The following LRRC4C variants were observed in gnomAD, a reference collection of about 807,000 sequenced individuals.
The protein encoded by LRRC4C is leucine rich repeat containing 4C.
In LRRC4C, 5 loss-of-function variants were observed where a neutral mutation model predicts 33.6. The ratio of observed to expected loss-of-function variants is 0.15; its 90% CI spans 0.08 to 0.31. The LOEUF (loss-of-function observed/expected upper bound fraction) is 0.31, where lower values mean the gene tolerates loss of function less well. Ranked by LOEUF, LRRC4C falls within the 10% of genes least tolerant of loss-of-function variation. The pLI, the probability that LRRC4C is intolerant of heterozygous loss-of-function variation, is 1.00. For synonymous variants in LRRC4C, 329 were observed against 302.0 expected (o/e 1.09, Z -0.93); for missense variants, 560 against 796.7 (o/e 0.70, Z 3.58).
intron 3 of LRRC4C, among the ~76,000 whole-genome samples, chr11:40,408,860 T>G (rs1950055580): frequency 6.6e-6 from 1 of 151,816 alleles, no homozygotes; most frequent in Non-Finnish European, 1.5e-5. Context: ...TTTGATGCAA[T>G]CCCCATAAAA....
At chr11:40,687,329 T>C (rs1274765986) in intron 2 of LRRC4C, among the ~76,000 whole-genome samples, 6 of 152,008 alleles carry the variant, frequency 3.9e-5, no homozygotes, top group African/African-American at 1.2e-4. Context: ...AAAATATCAA[T>C]TACCACATTT....
intron 1 of LRRC4C, among the ~76,000 whole-genome samples, chr11:41,217,692 T>C (rs1947119935): frequency 1.3e-5 from 2 of 152,220 alleles, no homozygotes; most frequent in South Asian, 2.1e-4. Context: ...TTAAATTAAT[T>C]GTGTTGGGAG....
At chr11:41,214,528 G>A (rs951877039) in intron 1 of LRRC4C, among the ~76,000 whole-genome samples, 2 of 138,740 alleles carry the variant, frequency 1.4e-5, no homozygotes, top group Non-Finnish European at 3.0e-5. Context: ...TCAGGAGATC[G>A]AGACTAACCT....
At chr11:40,354,942 T>C (rs1003162505) in intron 3 of LRRC4C, among the ~76,000 whole-genome samples, 1 of 152,050 alleles carries the variant, frequency 6.6e-6, no homozygotes, top group South Asian at 2.1e-4. Context: ...AGGAATGTGC[T>C]GGGTCACACC....
chr11:40,491,016 G>C (rs1954122190), intron 3 of LRRC4C, among the ~76,000 whole-genome samples: 1 of 152,040 alleles, frequency 6.6e-6, no homozygotes, highest in African/African-American at 2.4e-5. Context: ...GGGCACATTG[G>C]CTCACACCTG....
chr11:40,935,441 T>C (rs1957828044), intron 1 of LRRC4C, among the ~76,000 whole-genome samples: 1 of 152,168 alleles, frequency 6.6e-6, no homozygotes, highest in Non-Finnish European at 1.5e-5. Context: ...AACAGACCAC[T>C]TATATGACGG....
intron 3 of LRRC4C, among the ~76,000 whole-genome samples, chr11:40,483,674 A>G (rs1236097122): frequency 1.3e-5 from 2 of 152,062 alleles, no homozygotes; most frequent in Non-Finnish European, 2.9e-5. Flanking sequence ...GACACTGAAG[A>G]TAGGTATTAA....
intron 1 of LRRC4C, among the ~76,000 whole-genome samples, chr11:41,265,878 T>TTTA (rs200463588): frequency 1.7e-4 from 26 of 150,026 alleles, no homozygotes; most frequent in African/African-American, 4.4e-4. Context: ...TTTCTTTTTT[T>TTTA]AAAAAAAAAA....
At chr11:40,564,108 G>A (rs947647643) in intron 3 of LRRC4C, among the ~76,000 whole-genome samples, 20 of 152,216 alleles carry the variant, frequency 1.3e-4, no homozygotes, top group African/African-American at 4.8e-4. Context: ...TATTGATTAA[G>A]GACAGACAGG....
At chr11:41,065,349 T>C (rs1463259970) in intron 1 of LRRC4C, among the ~76,000 whole-genome samples, 1 of 152,276 alleles carries the variant, frequency 6.6e-6, no homozygotes, top group Admixed American at 6.5e-5. Flanking sequence ...CTTCTCTAGA[T>C]TCCTCCTCAC....
At chr11:41,204,845 C>T (rs929300609) in intron 1 of LRRC4C, among the ~76,000 whole-genome samples, 4 of 151,968 alleles carry the variant, frequency 2.6e-5, no homozygotes, top group Non-Finnish European at 5.9e-5. Flanking sequence ...AGAAGCAATA[C>T]ACAAGTAACC....
rs377169790 is a variant in LRRC4C at position 40,500,271 on chromosome 11, GATAT to G, written c.-270+147867_-270+147870del. The stretch of plus-strand genomic sequence containing the variant: ...ATCTAGACCACATAACCTAATGTCT[GATAT>G]ATATATATATATATATATACACACA... On this transcript the variant is annotated intron_variant, in intron 3 of 6. Transcript: ENST00000528697. Among the ~76,000 whole-genome samples, 501 of 105,046 alleles carry G rather than the reference GATAT, an allele frequency of 4.8e-3. 5 individuals are homozygous for G. Among genetic ancestry groups the G allele is most frequent in the Non-Finnish European group, 7.3e-3 (378 of 51,582 alleles). 68.9% of individuals were successfully genotyped at this position (105,046 alleles called of 152,430 possible). A position where few individuals can be genotyped will look rare whatever the true frequency, so the allele number is the denominator to read the frequency against.
intron 3 of LRRC4C, among the ~76,000 whole-genome samples, chr11:40,638,752 G>T (rs938020477): frequency 6.9e-5 from 10 of 145,208 alleles, no homozygotes; most frequent in African/African-American, 2.3e-4. Flanking sequence ...ATAATGAATG[G>T]TTTTTTCAAT....
intron 3 of LRRC4C, among the ~76,000 whole-genome samples, chr11:40,466,811 T>C (rs955081057): frequency 1.2e-4 from 19 of 152,106 alleles, no homozygotes; most frequent in African/African-American, 4.3e-4. Flanking sequence ...AAGTAATTTT[T>C]ATTATGTATC....
At chr11:40,501,210 C>T (rs1954754237) in intron 3 of LRRC4C, among the ~76,000 whole-genome samples, 1 of 152,108 alleles carries the variant, frequency 6.6e-6, no homozygotes, top group Non-Finnish European at 1.5e-5. Flanking sequence ...ATAAAGCCCC[C>T]CACCTGGCTG....
intron 3 of LRRC4C, among the ~76,000 whole-genome samples, chr11:40,640,259 G>A (rs1449358573): frequency 3.3e-5 from 5 of 152,040 alleles, no homozygotes; most frequent in Non-Finnish European, 7.4e-5. Context: ...AATAAATATT[G>A]TGTTAAGATA....
intron 3 of LRRC4C, among the ~76,000 whole-genome samples, chr11:40,358,007 A>T (rs550276227): frequency 2.0e-5 from 3 of 152,090 alleles, no homozygotes; most frequent in Admixed American, 1.3e-4. Context: ...ACATGGTGAA[A>T]CCAGGTCTCT....
chr11:40,613,176 T>C (rs1961408789), intron 3 of LRRC4C, among the ~76,000 whole-genome samples: 1 of 151,890 alleles, frequency 6.6e-6, no homozygotes, highest in Admixed American at 6.6e-5. Context: ...CAATTGACTC[T>C]TTCTTTCATG....
intron 4 of LRRC4C, among the ~76,000 whole-genome samples, chr11:40,242,784 C>CA (rs5791365): frequency 0.77 from 114,844 of 149,754 alleles, 48,014 homozygotes; most frequent in East Asian, 0.95. Flanking sequence ...GTGTATCATC[C>CA]AAAAAAAAAC....
Sources: allele counts gnomAD v4.1 joint callset (sites outside exome capture counted in the v4.1 genomes callset), GRCh38; gene constraint gnomAD v4.1.1; transcripts MANE v1.5; gene names NCBI Gene and HGNC (gene_info 2026-07-23, HGNC 2026-07-21).